POLR3B: variants seen among roughly 807,000 people sequenced by gnomAD.
POLR3B encodes DNA-directed RNA polymerase III subunit RPC2.
A neutral mutation model predicts 147.4 loss-of-function variants in POLR3B; 96 were observed. The observed-to-expected ratio is 0.65, with a 90% confidence interval of 0.55 to 0.77. The LOEUF is 0.77. POLR3B is among the 30% of genes least tolerant of loss of function. The pLI is 0.00. For synonymous variants in POLR3B, 461 were observed against 485.9 expected (o/e 0.95, Z 0.67); for missense variants, 1,036 against 1,413.5 (o/e 0.73, Z 4.28).
At chr12:106,387,058 A>C (rs1234038673) in intron 9 of POLR3B, among the ~76,000 whole-genome samples, 1 of 152,236 alleles carries the variant, frequency 6.6e-6, no homozygotes, top group African/African-American at 2.4e-5. Context: ...TGTAACCAGT[A>C]GTTGTGGTTT....
At chr12:106,415,872 C>T (rs549808939) in intron 12 of POLR3B, among the ~76,000 whole-genome samples, 12 of 152,264 alleles carry the variant, frequency 7.9e-5, no homozygotes, top group African/African-American at 2.9e-4. Flanking sequence ...CCCTCTGACT[C>T]AGTTCCCCAG....
chr12:106,505,354 C>A (rs1000083013), intron 27 of POLR3B, among the ~76,000 whole-genome samples: 80 of 150,068 alleles, frequency 5.3e-4, no homozygotes, highest in African/African-American at 1.8e-3. Context: ...GTGGTGTGAT[C>A]TCGGCTCACT....
chr12:106,380,144 A>T lies in POLR3B; in HGVS notation c.723+5A>T. The T allele has an allele frequency of 7.0e-7, 1 of 1,430,062 alleles. No homozygotes were observed. Among genetic ancestry groups the T allele is most frequent in the Non-Finnish European group, 9.9e-7 (1 of 1,012,188 alleles). The allele number at this position is 1,430,062 out of a possible 1,614,324, so 88.6% of individuals were successfully genotyped here. The stretch of plus-strand genomic sequence containing the variant: ...CCCATTGTCATCATATTTAAGGTAA[A>T]GCTGCAGCTCTCTTCTGAAAATTGT... On this transcript the variant is annotated splice_donor_5th_base_variant and intron_variant, in intron 9 of 27. Coordinates refer to ENST00000228347, the MANE Select transcript of POLR3B (RefSeq NM_018082.6).
chr12:106,410,878 G>A lies in POLR3B; in HGVS notation c.1019G>A (p.Arg340Gln), dbSNP rs565545064. ...AKCIYTAVMVRRVILAQGDNK... is the reference protein window; with the variant it reads ...AKCIYTAVMVQRVILAQGDNK... ...TGTATCTATACTGCAGTGATGGTGC[G>A]AAGAGTTATTCTGGCCCAAGGAGAT... Residue 340 changes from arginine (R) to glutamine (Q), a missense_variant, in exon 12 of 28, where the codon CGA becomes CAA. Transcript: ENST00000228347. 12 of 1,613,554 alleles carry A rather than the reference G, an allele frequency of 7.4e-6. No individual in the cohort carries two copies. The Admixed American group carries it at 8.3e-5, about 11-fold the overall frequency.
chr12:106,382,936 T>TTGC (rs2136904963), intron 9 of POLR3B, among the ~76,000 whole-genome samples: 1 of 152,352 alleles, frequency 6.6e-6, no homozygotes, highest in East Asian at 1.9e-4. Context: ...TAGAAGGCTG[T>TTGC]TGCATCTACA....
intron 10 of POLR3B, among the ~76,000 whole-genome samples, chr12:106,394,230 C>T (rs1273279411): frequency 6.6e-6 from 1 of 152,170 alleles, no homozygotes; most frequent in African/African-American, 2.4e-5. Context: ...TTATTCTCAT[C>T]ACCGTCTTCC....
intron 23 of POLR3B, among the ~76,000 whole-genome samples, chr12:106,494,844 A>G (rs1325104086): frequency 6.6e-6 from 1 of 152,194 alleles, no homozygotes; most frequent in Non-Finnish European, 1.5e-5. Flanking sequence ...CAACTCCACA[A>G]TATCCATATT....
intron 27 of POLR3B, among the ~76,000 whole-genome samples, chr12:106,505,978 C>CT (rs1342894245): frequency 6.6e-6 from 1 of 152,162 alleles, no homozygotes; most frequent in Non-Finnish European, 1.5e-5. Flanking sequence ...GGTGAAGACT[C>CT]TCGTCTGTAA....
At chr12:106,474,825 T>A (rs1025787198) in intron 23 of POLR3B, among the ~76,000 whole-genome samples, 28 of 152,192 alleles carry the variant, frequency 1.8e-4, no homozygotes, top group African/African-American at 6.5e-4. Flanking sequence ...AGCTCCTGGA[T>A]CCATTGATTT....
At chr12:106,485,820 G>A (rs528381751) in intron 23 of POLR3B, among the ~76,000 whole-genome samples, 9 of 152,314 alleles carry the variant, frequency 5.9e-5, no homozygotes, top group African/African-American at 2.2e-4. Context: ...ATAGAGTCTA[G>A]AGCTCCAGGG....
chr12:106,397,751 T>G (rs756066599), intron 10 of POLR3B, among the ~76,000 whole-genome samples: 1 of 152,214 alleles, frequency 6.6e-6, no homozygotes, highest in Non-Finnish European at 1.5e-5. Flanking sequence ...TGATAGACAC[T>G]TGGTGTTTCA....
Position 106,459,385 on chromosome 12 carries a change from C to G in POLR3B, c.2570+17C>G. The G allele has an allele frequency of 8.0e-7, 1 of 1,243,354 alleles. No homozygotes were observed. Among genetic ancestry groups the G allele is most frequent in the Non-Finnish European group, 1.2e-6 (1 of 841,500 alleles). 77.0% of individuals were successfully genotyped at this position (1,243,354 alleles called of 1,614,324 possible). ...ACCCATAACGTATGTATTGGTTGTG[C>G]CCTGGTAATATGTAGAAAGGTTAGA... On this transcript the variant is annotated intron_variant, in intron 22 of 27. Coordinates refer to ENST00000228347, the MANE Select transcript of POLR3B (RefSeq NM_018082.6).
In POLR3B at chr12:106,454,617, G is replaced by A; in HGVS notation, c.2199G>A (p.Leu733=). 2.5e-6 allele frequency: 4 copies of A among 1,611,526 alleles called. No individual in the cohort carries two copies. Among genetic ancestry groups the A allele is most frequent in the South Asian group, 1.1e-5 (1 of 91,044 alleles). ...KTIELIEFEK[L]PAGQNATVAV... ...TTGAATTGATAGAATTTGAGAAACT[G>A]CCAGCTGGACAGAATGCAACAGTTG... is the stretch of plus-strand genomic sequence containing the variant. Residue 733 remains leucine, a synonymous_variant, in exon 20 of 28, where the codon CTG becomes CTA. Transcript: ENST00000228347.
chr12:106,464,838 G>C (rs2037984773), intron 23 of POLR3B, among the ~76,000 whole-genome samples: 1 of 152,060 alleles, frequency 6.6e-6, no homozygotes, highest in Admixed American at 6.6e-5. Flanking sequence ...TTCTTGGTCA[G>C]GTATACCCAG....
intron 11 of POLR3B, 118 bp downstream of exon 11, chr12:106,406,094 A>T (rs1565886735): frequency 9.6e-7 from 1 of 1,043,010 alleles, no homozygotes; most frequent in East Asian, 2.5e-5. Flanking sequence ...AATTCTAAAG[A>T]GGACTGTACT....
chr12:106,478,763 TA>T (rs1006539834), intron 23 of POLR3B, among the ~76,000 whole-genome samples: 1 of 152,126 alleles, frequency 6.6e-6, no homozygotes, highest in Admixed American at 6.5e-5. Flanking sequence ...CACATGGTTT[TA>T]AAAGGTCAAA....
chr12:106,361,401 G>A (rs1309706507), intron 1 of POLR3B, among the ~76,000 whole-genome samples: 2 of 152,202 alleles, frequency 1.3e-5, no homozygotes, highest in Non-Finnish European at 2.9e-5. Flanking sequence ...TTGAGATTGA[G>A]AATGGAGCTG....
intron 6 of POLR3B, among the ~76,000 whole-genome samples, chr12:106,370,139 A>G (rs2036584369): frequency 6.6e-6 from 1 of 152,212 alleles, no homozygotes; most frequent in Non-Finnish European, 1.5e-5. Context: ...GATTAGGGAA[A>G]TATATTGACT....
rs202003866 is a variant in POLR3B, at chr12:106,417,648, G to GA, written c.1101+6697dup. Among the ~76,000 whole-genome samples, 548 of 151,532 alleles carry GA rather than the reference G, an allele frequency of 3.6e-3. 2 individuals are homozygous for GA. The highest frequency in any genetic ancestry group is 0.021 in the East Asian group (109 of 5,162). On this transcript the variant is annotated intron_variant, in intron 12 of 27. Coordinates refer to ENST00000228347, the MANE Select transcript of POLR3B (RefSeq NM_018082.6). ...GAAATTATAGTAACTTTAGGTTCTA[G>GA]AAAAAAAAATTAGCATCAGGACTAC...
Sources: allele counts gnomAD v4.1 joint callset (sites outside exome capture counted in the v4.1 genomes callset), GRCh38; gene constraint gnomAD v4.1.1; transcripts MANE v1.5; gene names NCBI Gene and HGNC (gene_info 2026-07-23, HGNC 2026-07-21).